Variants in FLT1 observed in about 807,000 individuals in gnomAD.
FLT1 encodes the protein fms related receptor tyrosine kinase 1.
A neutral mutation model predicts 156.3 loss-of-function variants in FLT1; 49 were observed. The ratio of observed to expected loss-of-function variants is 0.31; its 90% CI spans 0.25 to 0.40. The LOEUF (loss-of-function observed/expected upper bound fraction) is 0.40. FLT1 is among the 10% of genes least tolerant of loss of function. The pLI, the probability that FLT1 is intolerant of heterozygous loss-of-function variation, is 1.00. For missense variants in FLT1, 1,322 were observed against 1,637.2 expected (o/e 0.81, Z 3.32); for synonymous variants, 594 against 583.8 (o/e 1.02, Z -0.25).
intron 28 of FLT1, among the ~76,000 whole-genome samples, chr13:28,307,110 C>T (rs1870782394): frequency 6.6e-6 from 1 of 152,158 alleles, no homozygotes; most frequent in African/African-American, 2.4e-5. Context: ...TGGCAGATCA[C>T]GATTGACTAT....
intron 3 of FLT1, among the ~76,000 whole-genome samples, chr13:28,454,655 T>C (rs996572330): frequency 3.3e-5 from 5 of 152,004 alleles, no homozygotes; most frequent in Non-Finnish European, 7.4e-5. Flanking sequence ...ACTCATGCAA[T>C]AAGACAAGAA....
intron 3 of FLT1, among the ~76,000 whole-genome samples, chr13:28,447,783 T>C (rs1878701440): frequency 1.3e-5 from 2 of 150,990 alleles, no homozygotes; most frequent in Admixed American, 6.6e-5. Flanking sequence ...ATATAATATA[T>C]AAACATATGT....
intron 16 of FLT1, among the ~76,000 whole-genome samples, chr13:28,340,051 C>G (rs1324165908): frequency 6.6e-6 from 1 of 152,022 alleles, no homozygotes; most frequent in Non-Finnish European, 1.5e-5. Flanking sequence ...CCTGACTCTA[C>G]TAAAAATACA....
At chr13:28,390,239 A>C (rs1874626387) in intron 12 of FLT1, 135 bp from the exon 13 acceptor site, 3 of 1,203,670 alleles carry the variant, frequency 2.5e-6, no homozygotes, top group Admixed American at 2.3e-5. Context: ...ATTTGGGGTA[A>C]ATGAGCAAAC....
intron 14 of FLT1, among the ~76,000 whole-genome samples, chr13:28,374,647 G>A (rs1463162177): frequency 1.3e-5 from 2 of 151,578 alleles, no homozygotes; most frequent in Non-Finnish European, 2.9e-5. Context: ...GAGTAGCTGC[G>A]ACTACAGGCG....
At chr13:28,418,656 C>T (rs888029328) in intron 10 of FLT1, among the ~76,000 whole-genome samples, 3 of 152,166 alleles carry the variant, frequency 2.0e-5, no homozygotes, top group Admixed American at 6.5e-5. Flanking sequence ...CTCAACCTCC[C>T]GGGCTCAAGC....
At chr13:28,385,716 T>C in intron 13 of FLT1, 1 of 963,986 alleles carries the variant, frequency 1.0e-6, no homozygotes, top group Non-Finnish European at 1.3e-6. Context: ...AACATACAAA[T>C]ATGATACAAT....
At chr13:28,359,209 G>A (rs567902515) in intron 14 of FLT1, among the ~76,000 whole-genome samples, 1 of 152,282 alleles carries the variant, frequency 6.6e-6, no homozygotes, top group South Asian at 2.1e-4. Context: ...CAATGGAATA[G>A]GCAAGGGCCC....
chr13:28,428,848 A>G (rs1877505804), intron 8 of FLT1, among the ~76,000 whole-genome samples: 1 of 152,216 alleles, frequency 6.6e-6, no homozygotes, highest in African/African-American at 2.4e-5. Context: ...ACAAATTCCC[A>G]TTACTAGTGT....
At chr13:28,488,310 G>C (rs189551269) in intron 1 of FLT1, among the ~76,000 whole-genome samples, 4 of 152,152 alleles carry the variant, frequency 2.6e-5, no homozygotes, top group Admixed American at 2.6e-4. Context: ...TGAGGCACAA[G>C]AATCATTTGA....
At chr13:28,319,829 T>C (rs931345325) in intron 23 of FLT1, among the ~76,000 whole-genome samples, 1 of 152,132 alleles carries the variant, frequency 6.6e-6, no homozygotes, top group Admixed American at 6.6e-5. Context: ...AAAGAAAGCC[T>C]GCACTCCACA....
At chr13:28,358,124 C>A (rs1440678123) in intron 14 of FLT1, among the ~76,000 whole-genome samples, 1 of 152,310 alleles carries the variant, frequency 6.6e-6, no homozygotes, top group East Asian at 1.9e-4. Context: ...TTACAACCAG[C>A]CTGTCAGCTA....
chr13:28,310,333 T>C (rs779883415), intron 27 of FLT1, among the ~76,000 whole-genome samples: 2 of 152,306 alleles, frequency 1.3e-5, no homozygotes, highest in Non-Finnish European at 2.9e-5. Flanking sequence ...AAAGGAGTCC[T>C]GACTGCATCG....
At chr13:28,416,970 CT>C in intron 10 of FLT1, among the ~76,000 whole-genome samples, 1 of 152,290 alleles carries the variant, frequency 6.6e-6, no homozygotes, top group Non-Finnish European at 1.5e-5. Context: ...AAACCCAAGA[CT>C]TTGATTTTCA....
intron 1 of FLT1, among the ~76,000 whole-genome samples, chr13:28,470,642 A>G (rs1360484266): frequency 6.6e-6 from 1 of 152,126 alleles, no homozygotes; most frequent in African/African-American, 2.4e-5. Flanking sequence ...GAAACCGCTA[A>G]CTTCAAAGAA....
intron 1 of FLT1, among the ~76,000 whole-genome samples, chr13:28,485,882 T>C (rs1326287354): frequency 6.6e-6 from 1 of 152,094 alleles, no homozygotes; most frequent in Non-Finnish European, 1.5e-5. Context: ...AAGGACCCAG[T>C]GGAAATGCCA....
intron 6 of FLT1, among the ~76,000 whole-genome samples, chr13:28,432,751 T>C (rs559350747): frequency 2.0e-5 from 3 of 152,230 alleles, no homozygotes; most frequent in Non-Finnish European, 2.9e-5. Flanking sequence ...ATTTAATAGA[T>C]GTGTTGTAGA....
intron 11 of FLT1, among the ~76,000 whole-genome samples, chr13:28,401,124 G>T (rs978337565): frequency 5.3e-5 from 8 of 152,158 alleles, no homozygotes; most frequent in Non-Finnish European, 1.2e-4. Flanking sequence ...TACTTGGGAG[G>T]TTGAGGCAGG....
In FLT1 at chr13:28,411,285, C is replaced by T. The variant is rs567854570; in HGVS notation, c.1437-5391G>A. 1.5e-4 allele frequency among the ~76,000 whole-genome samples: 23 copies of T among 151,848 alleles called. No individual in the cohort carries two copies. In the South Asian group the frequency reaches 4.2e-3, roughly 28 times the overall value. ...AAAAAAATCTGGCCAGGCGCTGTGACTCACACCTGTAAATCCCAGCACTTT... is the reference window on the plus strand; with the variant it reads ...AAAAAAATCTGGCCAGGCGCTGTGATTCACACCTGTAAATCCCAGCACTTT... On this transcript the variant is annotated intron_variant, in intron 10 of 29. Transcript: ENST00000282397.
Sources: allele counts gnomAD v4.1 joint callset (sites outside exome capture counted in the v4.1 genomes callset), GRCh38; gene constraint gnomAD v4.1.1; transcripts MANE v1.5; gene names NCBI Gene and HGNC (gene_info 2026-07-23, HGNC 2026-07-21).